MRTFA: variants seen among roughly 807,000 people sequenced by gnomAD.
The protein encoded by MRTFA is myocardin related transcription factor A.
Under a neutral mutation model 83.5 loss-of-function variants are expected in MRTFA, and 20 were observed. That is an observed-to-expected ratio of 0.24 (90% CI 0.17 to 0.35). The LOEUF is 0.35. Among genes scored for constraint, MRTFA ranks in the 10% least tolerant of loss-of-function variants. MRTFA has a pLI of 1.00. For synonymous variants in MRTFA, 659 were observed against 541.2 expected, an observed-to-expected ratio of 1.22 and a Z score of -3.02; for missense variants, 1,200 against 1,224.7, an observed-to-expected ratio of 0.98 and a Z score of 0.30.
At chr22:40,419,503 T>C (rs751515554) in intron 11 of MRTFA, 119 bp from the exon 12 acceptor site, 4 of 853,430 alleles carry the variant, frequency 4.7e-6, no homozygotes, top group Non-Finnish European at 7.4e-6. Flanking sequence ...ACCCTAATCC[T>C]CCAGCAGCCT....
intron 3 of MRTFA, among the ~76,000 whole-genome samples, chr22:40,486,415 A>C (rs1328791623): frequency 4.6e-5 from 7 of 152,248 alleles, no homozygotes; most frequent in Non-Finnish European, 5.9e-5. Flanking sequence ...TACTAAAGAA[A>C]GTTCCAGGCT....
rs11315930 is a variant in MRTFA, at chr22:40,507,972, C to CAAAA, written c.241+44130_241+44133dup. ...AGCAAGAGAGAGCAAGACTCCACCT[C>CAAAA]AAAAAAAAAAAAAAAAAAAAAAAAA... On this transcript the variant is annotated intron_variant, in intron 3 of 14. Transcript: ENST00000355630. 3.7e-4 allele frequency among the ~76,000 whole-genome samples: 14 copies of CAAAA among 37,506 alleles called. 1 individual carries two copies. The highest frequency in any genetic ancestry group is 1.1e-3 in the African/African-American group (10 of 9,114). 24.6% of individuals were successfully genotyped at this position (37,506 alleles called of 152,430 possible). A position where few individuals can be genotyped will look rare whatever the true frequency, so the allele number is the denominator to read the frequency against.
chr22:40,619,262 A>T (rs964562040), intron 1 of MRTFA, among the ~76,000 whole-genome samples: 30 of 151,658 alleles, frequency 2.0e-4, no homozygotes, highest in Non-Finnish European at 1.0e-4. Flanking sequence ...CAGGAAGTGA[A>T]AACTAAAGTA....
At chr22:40,413,673 G>A (rs950035065) in intron 14 of MRTFA, among the ~76,000 whole-genome samples, 3 of 152,116 alleles carry the variant, frequency 2.0e-5, no homozygotes, top group Admixed American at 2.0e-4. Context: ...TCGATCTCCT[G>A]ACCTCGTGAT....
intron 1 of MRTFA, among the ~76,000 whole-genome samples, chr22:40,630,384 T>C (rs133046): frequency 0.31 from 46,468 of 151,982 alleles, 7,892 homozygotes; most frequent in East Asian, 0.63. Context: ...AGAGTGAGAC[T>C]CTGTCTCTTT....
chr22:40,437,681 T>G (rs1479069552), intron 4 of MRTFA, among the ~76,000 whole-genome samples: 2 of 150,486 alleles, frequency 1.3e-5, no homozygotes, highest in Non-Finnish European at 2.9e-5. Flanking sequence ...GAGAATCACT[T>G]GAACTCAGGA....
chr22:40,558,176 C>T (rs2055558501), intron 2 of MRTFA, among the ~76,000 whole-genome samples: 2 of 150,480 alleles, frequency 1.3e-5, no homozygotes, highest in African/African-American at 4.9e-5. Context: ...ACCTTGAATT[C>T]CTGGACTCAA....
chr22:40,457,426 A>G (rs930838014), intron 4 of MRTFA, among the ~76,000 whole-genome samples: 1 of 116,482 alleles, frequency 8.6e-6, no homozygotes, highest in African/African-American at 3.4e-5. Context: ...GACAGAATGA[A>G]AGAAAGAAAG....
chr22:40,416,661 G>A lies in MRTFA; in HGVS notation c.2578+325C>T, dbSNP rs953784291. Among the ~76,000 whole-genome samples, 3 of 152,298 alleles carry A rather than the reference G, an allele frequency of 2.0e-5. No homozygotes were observed. The highest frequency in any genetic ancestry group is 7.2e-5 in the African/African-American group (3 of 41,580). On this transcript the variant is annotated intron_variant, in intron 14 of 14. Coordinates refer to ENST00000355630, the MANE Select transcript of MRTFA (RefSeq NM_020831.6). This position sits in a 1 kb window ranked among gnomAD's most constrained non-coding sequence, Gnocchi z 4.2. ...CCATTTTTGTCCTAAGGCTCCTCTC[G>A]GATCTTCCATATGATCTGCTTATTT...
chr22:40,431,529 A>T, intron 5 of MRTFA, 49 bp from the exon 6 acceptor site: 1 of 1,557,052 alleles, frequency 6.4e-7, no homozygotes. Flanking sequence ...TCACAGGCTT[A>T]TGGCATGGAC....
chr22:40,410,881 A>G lies in MRTFA; in HGVS notation c.*509T>C, dbSNP rs1355090345. 1 of 234,106 alleles carries G rather than the reference A, an allele frequency of 4.3e-6. No individual in the cohort carries two copies. The highest frequency in any genetic ancestry group is 6.0e-5 in the East Asian group (1 of 16,570). The allele number at this position is 234,106 out of a possible 1,614,324, so 14.5% of individuals were successfully genotyped here. ...ACCACTAAATGGTTACACTACACCAAGACACTAAAATGGCAGGGAGCCCTG... is the reference window on the plus strand; with the variant it reads ...ACCACTAAATGGTTACACTACACCAGGACACTAAAATGGCAGGGAGCCCTG... On this transcript the variant is annotated 3_prime_UTR_variant, in exon 15 of 15. Transcript: ENST00000355630.
At chr22:40,449,484 G>T (rs767544646) in intron 4 of MRTFA, among the ~76,000 whole-genome samples, 1 of 152,176 alleles carries the variant, frequency 6.6e-6, no homozygotes, top group Non-Finnish European at 1.5e-5. Flanking sequence ...GCATGAAAAT[G>T]TCTGTGGTGT....
chr22:40,626,075 C>A (rs2056578687), intron 1 of MRTFA, among the ~76,000 whole-genome samples: 1 of 152,000 alleles, frequency 6.6e-6, no homozygotes, highest in Non-Finnish European at 1.5e-5. Context: ...CCTCCACCTC[C>A]CCGGTTCAAG....
intron 2 of MRTFA, among the ~76,000 whole-genome samples, chr22:40,552,663 T>A (rs2055459639): frequency 6.6e-6 from 1 of 152,204 alleles, no homozygotes; most frequent in Admixed American, 6.5e-5. Context: ...GATTGTAAGT[T>A]CCTGAGGCCT....
intron 12 of MRTFA, 54 bp from the exon 13 acceptor site, chr22:40,417,547 C>A: frequency 9.3e-7 from 1 of 1,071,784 alleles, no homozygotes; most frequent in South Asian, 1.7e-5. Flanking sequence ...GGGTGCAGAC[C>A]TGCCTTGTAG....
At chr22:40,475,885 C>A (rs2053986810) in intron 3 of MRTFA, among the ~76,000 whole-genome samples, 1 of 152,228 alleles carries the variant, frequency 6.6e-6, no homozygotes, top group African/African-American at 2.4e-5. Context: ...TGGCTCACGC[C>A]TGTATTCCCA....
chr22:40,479,969 T>C (rs189474298), intron 3 of MRTFA, among the ~76,000 whole-genome samples: 20 of 152,280 alleles, frequency 1.3e-4, no homozygotes, highest in Admixed American at 9.8e-4. Flanking sequence ...AGAATAAGCT[T>C]ATGAAAATCT....
intron 3 of MRTFA, among the ~76,000 whole-genome samples, chr22:40,465,609 G>A (rs1240026153): frequency 2.6e-5 from 4 of 152,174 alleles, no homozygotes; most frequent in Non-Finnish European, 5.9e-5. Flanking sequence ...CACCCAGGCT[G>A]GAGTGCAGTG....
In MRTFA at chr22:40,463,989, A is replaced by AT. The variant is rs200623309; in HGVS notation, c.242-704dup. Among the ~76,000 whole-genome samples, 693 of 151,874 alleles carry AT rather than the reference A, an allele frequency of 4.6e-3. 9 individuals carry two copies. The highest frequency in any genetic ancestry group is 0.015 in the African/African-American group (641 of 41,384). On this transcript the variant is annotated intron_variant, in intron 3 of 14. Transcript: ENST00000355630. ...TGCTTAATGAAAAAACTTAATAGGG[A>AT]TTTTTTTTAAGTTAAAAATCAACTA...
Sources: gnomAD v4.1 joint callset for allele counts (sites outside exome capture counted in the v4.1 genomes callset) on GRCh38, gnomAD v4.1.1 for gene constraint, Gnocchi (gnomAD v3.1) non-coding constraint, MANE v1.5 for transcripts, NCBI Gene and HGNC (gene_info 2026-07-23, HGNC 2026-07-21) for gene names.